The following NES variants were observed in gnomAD, a reference collection of about 807,000 sequenced individuals.
NES encodes nestin.
NES carries 27 observed loss-of-function variants against 35.6 expected under a neutral mutation model. The observed-to-expected ratio is 0.76, with a 90% confidence interval of 0.56 to 1.04. NES has a LOEUF of 1.04. Ranked by LOEUF, NES falls within the 50% of genes least tolerant of loss-of-function variation. The probability of loss-of-function intolerance (pLI) is 0.00; values close to 1 mark genes in which losing one functional copy is unlikely to be tolerated. For missense variants in NES, 1,867 were observed against 1,983.6 expected (o/e 0.94, Z 1.12); for synonymous variants, 822 against 824.2 (o/e 1.00, Z 0.04).
rs1047483804 is a variant in NES, at chr1:156,671,067, G to A, written c.3121C>T (p.Pro1041Ser). The change falls in exon 4 of 4, where the codon CCT becomes TCT. Residue 1041 changes from proline (P) to serine (S), a missense_variant. Physicochemically the swap from Pro to Ser is moderately conservative, Grantham distance 74. Transcript: ENST00000368223. Reference protein sequence around the residue: ...VKGGAEGLQDPEGQSQQVGAP... With the variant: ...VKGGAEGLQDSEGQSQQVGAP... ...CCCACCTGTTGTGATTGCCCTTCAG[G>A]GTCCTGGAGGCCCTCAGCCCCTCCC... 3.1e-6 allele frequency: 5 copies of A among 1,613,546 alleles called. No homozygotes were observed. In the African/African-American group the frequency reaches 6.7e-5, roughly 22 times the overall value.
rs962094294 is a variant in NES at position 156,669,118 on chromosome 1, G to A, written c.*204C>T. ...AAGAGATTCCCTTTGCAGGGTGGGA[G>A]GTTATATTCCTACAGCCTCCATTCT... On this transcript the variant is annotated 3_prime_UTR_variant, in exon 4 of 4. Transcript: ENST00000368223. 4 of 450,428 alleles carry A rather than the reference G, an allele frequency of 8.9e-6. No homozygotes were observed. The highest frequency in any genetic ancestry group is 7.9e-5 in the African/African-American group (4 of 50,808). 27.9% of individuals were successfully genotyped at this position (450,428 alleles called of 1,614,324 possible). A position where few individuals can be genotyped will look rare whatever the true frequency, so the allele number is the denominator to read the frequency against.
In NES at chr1:156,669,186, C is replaced by T; in HGVS notation, c.*136G>A. Reference sequence around the variant, plus strand: ...CCACACCCCTTTTCACCTTAGCGGGCCAGGCCTCTCAGCCAGAAACCATAT... The same window carrying T: ...CCACACCCCTTTTCACCTTAGCGGGTCAGGCCTCTCAGCCAGAAACCATAT... On this transcript the variant is annotated 3_prime_UTR_variant, in exon 4 of 4. Transcript: ENST00000368223. 1.7e-6 allele frequency: 1 copy of T among 586,286 alleles called. No individual in the cohort carries two copies. The highest frequency in any genetic ancestry group is 2.9e-5 in the East Asian group (1 of 34,678). The allele number at this position is 586,286 out of a possible 1,614,324, so 36.3% of individuals were successfully genotyped here. A position where few individuals can be genotyped will look rare whatever the true frequency, so the allele number is the denominator to read the frequency against.
chr1:156,674,296 T>C (rs116316131), intron 2 of NES, among the ~76,000 whole-genome samples: 2,435 of 152,084 alleles, frequency 0.016, 32 homozygotes, highest in South Asian at 0.05. Context: ...GAGCAGCTGC[T>C]CCTCTCTGCT....
rs1273079205 is a variant in NES, at chr1:156,677,382, G to A, written c.-118C>T. On this transcript the variant is annotated 5_prime_UTR_variant, in exon 1 of 4. Coordinates refer to ENST00000368223, the MANE Select transcript of NES (RefSeq NM_006617.2). The surrounding 1 kb of genome is among the most constrained non-coding windows in gnomAD (Gnocchi z 4.5). ...CCGACGGGGACAATGACGGGGCGGG[G>A]CGGGGTGGGAGTAGCCTGAGCGACT... 2.9e-6 allele frequency: 2 copies of A among 699,496 alleles called. No homozygotes were observed. The highest frequency in any genetic ancestry group is 2.9e-5 in the East Asian group (1 of 34,530). 43.3% of individuals were successfully genotyped at this position (699,496 alleles called of 1,614,324 possible). A position where few individuals can be genotyped will look rare whatever the true frequency, so the allele number is the denominator to read the frequency against.
rs935707145 is a variant in NES at position 156,669,210 on chromosome 1, A to C, written c.*112T>G. ...GCCAGGCCTCTCAGCCAGAAACCAT[A>C]TGTCAAGAGATCGTAAGTTAAGAGT... On this transcript the variant is annotated 3_prime_UTR_variant, in exon 4 of 4. Transcript: ENST00000368223. The C allele has an allele frequency of 1.4e-6, 1 of 703,156 alleles. No homozygotes were observed. The highest frequency in any genetic ancestry group is 2.2e-6 in the Non-Finnish European group (1 of 446,504). 43.6% of individuals were successfully genotyped at this position (703,156 alleles called of 1,614,324 possible). A position where few individuals can be genotyped will look rare whatever the true frequency, so the allele number is the denominator to read the frequency against.
rs1679746023 is a variant in NES, at chr1:156,672,012, C to T, written c.2176G>A (p.Glu726Lys). 1.2e-6 allele frequency: 2 copies of T among 1,613,978 alleles called. No individual in the cohort carries two copies. The highest frequency in any genetic ancestry group is 1.7e-6 in the Non-Finnish European group (2 of 1,180,016). ...KENQEPLKTL[E>K]EEDQSIVRPL... ...CTCACAATACTCTGGTCCTCTTCTT[C>T]TAGAGTCTTCAGTGGCTCCTGGTTC... The change falls in exon 4 of 4, where the codon GAA becomes AAA. Residue 726 changes from glutamate (E) to lysine (K), a missense_variant. Physicochemically the swap from Glu to Lys is moderately conservative, Grantham distance 56. Transcript: ENST00000368223.
At chr1:156,674,892 G>A (rs1679809575) in intron 2 of NES, among the ~76,000 whole-genome samples, 1 of 152,196 alleles carries the variant, frequency 6.6e-6, no homozygotes, top group Admixed American at 6.5e-5. Context: ...CATAGAGTTG[G>A]AGCTTTGCCC....
intron 2 of NES, among the ~76,000 whole-genome samples, chr1:156,674,724 C>G (rs1320799474): frequency 6.6e-6 from 1 of 152,220 alleles, no homozygotes; most frequent in Non-Finnish European, 1.5e-5. Flanking sequence ...CCCATGACAT[C>G]CAGGCTAGAA....
In NES at chr1:156,676,478, T is replaced by C; in HGVS notation, c.783+4A>G. On this transcript the variant is annotated splice_donor_region_variant and intron_variant, in intron 1 of 3. Coordinates refer to ENST00000368223, the MANE Select transcript of NES (RefSeq NM_006617.2). This position sits in a 1 kb window ranked among gnomAD's most constrained non-coding sequence, Gnocchi z 5.3. The stretch of plus-strand genomic sequence containing the variant: ...TCTCTCACCCAGGCCCTCAACCTCC[T>C]CACCTGGAACTTTTCAGTAGCCCGC... 6.3e-7 allele frequency: 1 copy of C among 1,597,178 alleles called. No homozygotes were observed. The highest frequency in any genetic ancestry group is 8.5e-7 in the Non-Finnish European group (1 of 1,179,104).
rs1647267733 is a variant in NES, at chr1:156,675,763, C to T, written c.784-423G>A. Among the ~76,000 whole-genome samples, 3 of 152,160 alleles carry T rather than the reference C, an allele frequency of 2.0e-5. No individual in the cohort carries two copies. In the South Asian group the frequency reaches 6.2e-4, roughly 32 times the overall value. On this transcript the variant is annotated intron_variant, in intron 1 of 3. Coordinates refer to ENST00000368223, the MANE Select transcript of NES (RefSeq NM_006617.2). ...TGCAGGACTGGAAGGCAAACAGCCCCCGTCCCCCGTTGGTCCCATCTCCCA... is the reference window on the plus strand; with the variant it reads ...TGCAGGACTGGAAGGCAAACAGCCCTCGTCCCCCGTTGGTCCCATCTCCCA...
At position 156,671,497 on chromosome 1, in the gene NES, T is replaced by C. The variant is rs1423442505; in HGVS notation, c.2691A>G (p.Ala897=). 1.2e-6 allele frequency: 2 copies of C among 1,614,034 alleles called. No homozygotes were observed. Among genetic ancestry groups the C allele is most frequent in the South Asian group, 2.2e-5 (2 of 91,084 alleles). ...ENQESLRSLG[A]WNLENLRSPE... ...GAGATCTCAAATTCTCCAGGTTCCA[T>C]GCTCCCAGAGATCTCAATGATTCCT... The change falls in exon 4 of 4, where the codon GCA becomes GCG. Residue 897 remains alanine, a synonymous_variant. Transcript: ENST00000368223.
rs1464544119 is a variant in NES, at chr1:156,672,651, C to T, written c.1537G>A (p.Gly513Ser). ...TGCTGCAAGCTGCTTACCACTTTGC[C>T]CTCTATGGCTGTTTCTTTCTCTACC... ...GLVEKETAIE[G>S]KVVSSLQQEI... Residue 513 changes from glycine to serine, a missense_variant, in exon 4 of 4, where the codon GGC becomes AGC. Transcript: ENST00000368223. 5.6e-6 allele frequency: 9 copies of T among 1,613,916 alleles called. No homozygotes were observed. The highest frequency in any genetic ancestry group is 1.6e-4 in the Middle Eastern group (1 of 6,062).
rs1679657938 is a variant in NES at position 156,669,698 on chromosome 1, C to A, written c.4490G>T (p.Gly1497Val). 6 of 1,613,896 alleles carry A rather than the reference C, an allele frequency of 3.7e-6. No homozygotes were observed. In the Admixed American group the frequency reaches 1.0e-4, roughly 27 times the overall value. ...AACAGGGTCAGACTCTTCCTCTGAG[C>A]CAGAAGGCTCAGCACTGTCCTGGGA... Reference protein sequence around the residue: ...TESQDSAEPSGSEEESDPVSL... With the variant: ...TESQDSAEPSVSEEESDPVSL... Residue 1497 changes from glycine (G) to valine (V), a missense_variant, in exon 4 of 4, where the codon GGC (glycine) becomes GTC (valine). Gly to Val is a moderately radical substitution (Grantham distance 109). Transcript: ENST00000368223.
Position 156,670,570 on chromosome 1 carries a change from C to A in NES, c.3618G>T (p.Gly1206=), listed in dbSNP as rs764558008. Residue 1206 remains glycine, a synonymous_variant, in exon 4 of 4, where the codon GGG becomes GGT. Transcript: ENST00000368223. ...GSDAPSPWPL[G]SEEAEEDVPP... ...GTACATCCTCCTCAGCTTCCTCTGACCCCAGAGGCCAAGGTGAAGGGGCAT... is the reference window on the plus strand; with the variant it reads ...GTACATCCTCCTCAGCTTCCTCTGAACCCAGAGGCCAAGGTGAAGGGGCAT... 5 of 1,612,886 alleles carry A rather than the reference C, an allele frequency of 3.1e-6. No individual in the cohort carries two copies. Among genetic ancestry groups the A allele is most frequent in the Non-Finnish European group, 4.2e-6 (5 of 1,179,288 alleles).
chr1:156,673,697 C>T (rs1679783579), intron 2 of NES, among the ~76,000 whole-genome samples, 170 bp from the exon 3 acceptor site: 1 of 152,216 alleles, frequency 6.6e-6, no homozygotes, highest in South Asian at 2.1e-4. Context: ...CACACAGTCA[C>T]ATACCCACAG....
Position 156,672,625 on chromosome 1 carries a change from C to T in NES, c.1563G>A (p.Gln521=). 2 of 1,613,904 alleles carry T rather than the reference C, an allele frequency of 1.2e-6. No homozygotes were observed. Among genetic ancestry groups the T allele is most frequent in the Middle Eastern group, 1.6e-4 (1 of 6,062 alleles). Residue 521 remains glutamine (Q), a synonymous_variant, in exon 4 of 4, where the codon CAG becomes CAA. Coordinates refer to ENST00000368223, the MANE Select transcript of NES (RefSeq NM_006617.2). ...IEGKVVSSLQ[Q]EIWEEEDLNR... ...TTAGATCCTCTTCTTCCCATATTTCCTGCTGCAAGCTGCTTACCACTTTGC... is the reference window on the plus strand; with the variant it reads ...TTAGATCCTCTTCTTCCCATATTTCTTGCTGCAAGCTGCTTACCACTTTGC...
Position 156,675,206 on chromosome 1 carries a change from C to A in NES, c.908+10G>T. On this transcript the variant is annotated intron_variant, in intron 2 of 3. Coordinates refer to ENST00000368223, the MANE Select transcript of NES (RefSeq NM_006617.2). ...TCTGTGTGCCTGGGTGGACAGGGCT[C>A]GTCTCGTACCTGTACGTGGCCACCT... 1 of 1,611,932 alleles carries A rather than the reference C, an allele frequency of 6.2e-7. No individual in the cohort carries two copies. Among genetic ancestry groups the A allele is most frequent in the East Asian group, 2.2e-5 (1 of 44,838 alleles).
rs1179532258 is a variant in NES, at chr1:156,672,840, G to C, written c.1348C>G (p.Gln450Glu). The stretch of plus-strand genomic sequence containing the variant: ...TGGCCTGTACTGGCCTCTTGCCGCT[G>C]GCCCCCAGGCTCCTCTGGTCCAGGC... ...VLPGPEEPGGQRQEASTGQSP... is the reference protein window; with the variant it reads ...VLPGPEEPGGERQEASTGQSP... The change falls in exon 4 of 4, where the codon CAG becomes GAG. Residue 450 changes from glutamine to glutamate, a missense_variant. By Grantham distance (29) the Gln-to-Glu change is conservative. Transcript: ENST00000368223. The C allele has an allele frequency of 1.2e-6, 2 of 1,613,910 alleles. No individual in the cohort carries two copies.
At chr1:156,673,338 A>G in intron 3 of NES, 116 bp downstream of exon 3, 1 of 1,316,338 alleles carries the variant, frequency 7.6e-7, no homozygotes, top group Non-Finnish European at 1.1e-6. Flanking sequence ...GAGCATGCTC[A>G]CTGACACTGG....
Sources: allele counts gnomAD v4.1 joint callset (sites outside exome capture counted in the v4.1 genomes callset), GRCh38; gene constraint gnomAD v4.1.1; non-coding constraint Gnocchi (gnomAD v3.1); transcripts MANE v1.5; gene names NCBI Gene and HGNC (gene_info 2026-07-23, HGNC 2026-07-21).